The following POFUT3 variants were observed in gnomAD, a reference collection of about 807,000 sequenced individuals.
POFUT3 encodes GDP-fucose protein O-fucosyltransferase 3.
At chr8:33,446,140 G>T in the POFUT3 span, among the ~76,000 whole-genome samples, 1 of 152,136 alleles carries the variant, frequency 6.6e-6, no homozygotes, top group Non-Finnish European at 1.5e-5. Context: ...TGGGGAAGGG[G>T]TCTGAGCTGG....
chr8:33,436,819 C>A, the POFUT3 span: 1 of 446,228 alleles, frequency 2.2e-6, no homozygotes, highest in Non-Finnish European at 4.1e-6. Flanking sequence ...TCAGGATGTC[C>A]ATGTGCATGA....
At chr8:33,402,407 T>G in the POFUT3 span, among the ~76,000 whole-genome samples, 42 of 152,286 alleles carry the variant, frequency 2.8e-4, 1 homozygote, top group African/African-American at 9.9e-4. Context: ...AGAAATAAAC[T>G]CTTTATTCTC....
At chr8:33,338,225 A>G in the POFUT3 span, among the ~76,000 whole-genome samples, 1 of 152,196 alleles carries the variant, frequency 6.6e-6, no homozygotes, top group African/African-American at 2.4e-5. Context: ...AATTCAGGCC[A>G]TAACAACCTA....
the POFUT3 span, among the ~76,000 whole-genome samples, chr8:33,450,635 T>A: frequency 1.3e-5 from 2 of 152,164 alleles, no homozygotes; most frequent in East Asian, 3.9e-4. Flanking sequence ...TGGAGTCAGA[T>A]TACACAGAGC....
chr8:33,453,506 A>G, the POFUT3 span: 2 of 1,602,798 alleles, frequency 1.2e-6, no homozygotes, highest in East Asian at 2.2e-5. Flanking sequence ...CAGCTCAACC[A>G]TGACCTAAAA....
chr8:33,328,817 A>G, the POFUT3 span, among the ~76,000 whole-genome samples: 1 of 152,172 alleles, frequency 6.6e-6, no homozygotes, highest in African/African-American at 2.4e-5. Context: ...CAAAAGGAGC[A>G]CCCAGTGAAT....
the POFUT3 span, among the ~76,000 whole-genome samples, chr8:33,357,786 A>G: frequency 6.6e-6 from 1 of 152,052 alleles, no homozygotes; most frequent in Non-Finnish European, 1.5e-5. Context: ...CTGTTTTCCC[A>G]AATAATCTCC....
chr8:33,320,361 G>C, the POFUT3 span, among the ~76,000 whole-genome samples: 1 of 152,006 alleles, frequency 6.6e-6, no homozygotes, highest in Non-Finnish European at 1.5e-5. Flanking sequence ...AGTTTATTTA[G>C]CTCTCAGTAC....
At chr8:33,446,276 G>T in the POFUT3 span, among the ~76,000 whole-genome samples, 2 of 152,114 alleles carry the variant, frequency 1.3e-5, no homozygotes, top group Non-Finnish European at 2.9e-5. Context: ...GGCCAGCATG[G>T]TGAAATGCCG....
the POFUT3 span, among the ~76,000 whole-genome samples, chr8:33,390,865 A>T: frequency 6.6e-6 from 1 of 152,200 alleles, no homozygotes; most frequent in African/African-American, 2.4e-5. Flanking sequence ...GACAGAAGTG[A>T]TGGATGTGGT....
At chr8:33,375,301 A>G in the POFUT3 span, among the ~76,000 whole-genome samples, 1 of 152,226 alleles carries the variant, frequency 6.6e-6, no homozygotes, top group African/African-American at 2.4e-5. Context: ...GAGACATAGC[A>G]TGCAGGAAAC....
the POFUT3 span, among the ~76,000 whole-genome samples, chr8:33,377,192 A>G: frequency 6.6e-6 from 1 of 151,632 alleles, no homozygotes; most frequent in African/African-American, 2.4e-5. Context: ...AGATCGCACC[A>G]TTGCACTCCA....
the POFUT3 span, among the ~76,000 whole-genome samples, chr8:33,436,036 A>G: frequency 6.6e-6 from 1 of 152,010 alleles, no homozygotes; most frequent in Admixed American, 6.6e-5. Context: ...TCTGCACACA[A>G]TGAGGCCTGC....
At chr8:33,386,125 G>T in the POFUT3 span, among the ~76,000 whole-genome samples, 1 of 142,448 alleles carries the variant, frequency 7.0e-6, no homozygotes, top group African/African-American at 2.7e-5. Flanking sequence ...GGAGGCAGAG[G>T]TTGCAGTGAG....
chr8:33,358,111 G>A, the POFUT3 span, among the ~76,000 whole-genome samples: 2 of 152,250 alleles, frequency 1.3e-5, no homozygotes, highest in East Asian at 1.9e-4. Flanking sequence ...AAATTAGCCA[G>A]GTGTTGTGGT....
the POFUT3 span, among the ~76,000 whole-genome samples, chr8:33,367,538 C>A: frequency 8.5e-5 from 13 of 152,150 alleles, no homozygotes; most frequent in African/African-American, 3.1e-4. Context: ...CCCCACTTCA[C>A]ACCTCTATAT....
At chr8:33,329,155 A>G in the POFUT3 span, among the ~76,000 whole-genome samples, 1 of 139,262 alleles carries the variant, frequency 7.2e-6, no homozygotes, top group Non-Finnish European at 1.6e-5. Flanking sequence ...TTCTACATCA[A>G]GTGTCCGTCT....
chr8:33,338,797 C>G, the POFUT3 span: 1 of 152,088 alleles, frequency 6.6e-6, no homozygotes, highest in Admixed American at 6.5e-5. Context: ...TACACACTTC[C>G]CCTTCTCCTG....
At chr8:33,407,517 G>A in the POFUT3 span, among the ~76,000 whole-genome samples, 21 of 151,922 alleles carry the variant, frequency 1.4e-4, no homozygotes, top group Admixed American at 1.4e-3. Flanking sequence ...TATTTTGGAA[G>A]GTAGAAAAGT....
Sources: allele counts gnomAD v4.1 joint callset (sites outside exome capture counted in the v4.1 genomes callset), GRCh38; gene constraint gnomAD v4.1.1; transcripts MANE v1.5; gene names NCBI Gene and HGNC (gene_info 2026-07-23, HGNC 2026-07-21).